TSGA10: variants seen among roughly 807,000 people sequenced by gnomAD.
TSGA10 encodes testis specific 10, also known as testis-specific gene 10 protein.
A neutral mutation model predicts 96.6 loss-of-function variants in TSGA10; 43 were observed. The observed-to-expected ratio is 0.44, with a 90% CI of 0.35 to 0.57. The LOEUF (loss-of-function observed/expected upper bound fraction) is 0.57. Among genes scored for constraint, TSGA10 ranks in the 20% least tolerant of loss-of-function variants. The probability of loss-of-function intolerance (pLI) is 0.01; values close to 1 mark genes in which losing one functional copy is unlikely to be tolerated. For synonymous variants in TSGA10, 229 were observed against 269.9 expected, an observed-to-expected ratio of 0.85 and a Z score of 1.48; for missense variants, 703 against 834.4, an observed-to-expected ratio of 0.84 and a Z score of 1.94.
Position 99,078,791 on chromosome 2 carries a change from A to C in TSGA10, c.750T>G (p.Ile250Met), listed in dbSNP as rs114700999. ...GAATGCTGATTTCTTCTCGCTGTGC[A>C]ATATTTTGCCTTGTAAAGTTATCTA... ...EKIDNFTRQN[I>M]AQREEISILG... Residue 250 changes from isoleucine (I) to methionine (M), a missense_variant, in exon 12 of 21, where the codon ATT (isoleucine) becomes ATG (methionine). Around this residue, in one of 3 missense-constraint regions of TSGA10, gnomAD observed 585 missense variants for 656.8 expected, o/e 0.89. Transcript: ENST00000393483. 1.9e-6 allele frequency: 3 copies of C among 1,612,912 alleles called. No individual in the cohort carries two copies. Among genetic ancestry groups the C allele is most frequent in the Admixed American group, 3.3e-5 (2 of 59,888 alleles).
chr2:98,998,224 A>G lies in TSGA10; in HGVS notation c.2073-3T>C. The G allele has an allele frequency of 1.3e-6, 2 of 1,595,352 alleles. No homozygotes were observed. The highest frequency in any genetic ancestry group is 1.2e-5 in the South Asian group (1 of 85,774). On this transcript the variant is annotated splice_polypyrimidine_tract_variant and splice_region_variant and intron_variant, in intron 20 of 20. Coordinates refer to ENST00000393483, the MANE Select transcript of TSGA10 (RefSeq NM_025244.4). ...AGAAATCTCTGTAGCAAAGATTCCT[A>G]TAAGAGAAAAAATCATGCTGATTAA...
Position 98,998,062 on chromosome 2 carries a change from T to C in TSGA10, c.*135A>G, listed in dbSNP as rs2077593572. On this transcript the variant is annotated 3_prime_UTR_variant, in exon 21 of 21. Coordinates refer to ENST00000393483, the MANE Select transcript of TSGA10 (RefSeq NM_025244.4). ...GCAACATGGCACATTAGAACAGAGA[T>C]TCAGAGACACAAAGTTAATAAATAC... 3.7e-6 allele frequency: 3 copies of C among 808,654 alleles called. No individual in the cohort carries two copies. Among genetic ancestry groups the C allele is most frequent in the Non-Finnish European group, 5.9e-6 (3 of 510,210 alleles). The allele number at this position is 808,654 out of a possible 1,614,324, so 50.1% of individuals were successfully genotyped here.
In TSGA10 at chr2:99,073,104, A is replaced by C. The variant is rs1460408129; in HGVS notation, c.883-31T>G. 3.6e-6 allele frequency: 5 copies of C among 1,398,596 alleles called. No individual in the cohort carries two copies. In the South Asian group the frequency reaches 6.4e-5, roughly 18 times the overall value. 86.6% of individuals were successfully genotyped at this position (1,398,596 alleles called of 1,614,324 possible). A position where few individuals can be genotyped will look rare whatever the true frequency, so the allele number is the denominator to read the frequency against. On this transcript the variant is annotated intron_variant, in intron 12 of 20. Coordinates refer to ENST00000393483, the MANE Select transcript of TSGA10 (RefSeq NM_025244.4). ...AAAATAATATAAGTATTAAATAAAA[A>C]AATCTTAAGCTGTTATTTCTGTTAA...
At chr2:99,081,862 T>C (rs1266977181) in intron 10 of TSGA10, among the ~76,000 whole-genome samples, 1 of 152,258 alleles carries the variant, frequency 6.6e-6, no homozygotes, top group Non-Finnish European at 1.5e-5. Context: ...ACCTTGTCAA[T>C]TGCTGCTAGG....
At position 99,035,156 on chromosome 2, in the gene TSGA10, G is replaced by T. The variant is rs989977907; in HGVS notation, c.1614+74C>A. 2.3e-5 allele frequency: 25 copies of T among 1,093,722 alleles called. No individual in the cohort carries two copies. The South Asian group carries it at 4.1e-4, about 18-fold the overall frequency. 67.8% of individuals were successfully genotyped at this position (1,093,722 alleles called of 1,614,324 possible). A position where few individuals can be genotyped will look rare whatever the true frequency, so the allele number is the denominator to read the frequency against. ...GATTCATGTAATATTACATAAAAAA[G>T]AACTTACTTTTCCAAAATTATACTA... On this transcript the variant is annotated intron_variant, in intron 17 of 20. Transcript: ENST00000393483.
chr2:99,068,748 T>TAACC, intron 15 of TSGA10, 140 bp downstream of exon 15: 1 of 403,358 alleles, frequency 2.5e-6, no homozygotes, highest in Non-Finnish European at 4.5e-6. Flanking sequence ...AATATGTAGT[T>TAACC]AACCCACCAT....
chr2:99,119,469 C>T (rs2092458554), intron 2 of TSGA10, among the ~76,000 whole-genome samples: 1 of 152,154 alleles, frequency 6.6e-6, no homozygotes, highest in Non-Finnish European at 1.5e-5. Context: ...CACCACCAGA[C>T]ACACTATAAA....
chr2:99,050,173 CTAACA>C, intron 16 of TSGA10, among the ~76,000 whole-genome samples: 1 of 152,058 alleles, frequency 6.6e-6, no homozygotes. Context: ...CGAGGGAAGG[CTAACA>C]TAACAAAAAT....
At chr2:99,036,113 G>A (rs760628349) in intron 16 of TSGA10, among the ~76,000 whole-genome samples, 2 of 151,984 alleles carry the variant, frequency 1.3e-5, no homozygotes, top group Non-Finnish European at 2.9e-5. Flanking sequence ...TAAGTGCACT[G>A]CCACCTACAG....
intron 20 of TSGA10, among the ~76,000 whole-genome samples, chr2:99,005,577 A>G (rs1340565361): frequency 6.6e-6 from 1 of 152,208 alleles, no homozygotes; most frequent in Non-Finnish European, 1.5e-5. Flanking sequence ...TAGGAATCCA[A>G]CTTACAAGGG....
chr2:99,033,784 G>A (rs889576135), intron 17 of TSGA10, among the ~76,000 whole-genome samples: 3 of 152,138 alleles, frequency 2.0e-5, no homozygotes, highest in African/African-American at 7.2e-5. Flanking sequence ...AGGCTGCAGT[G>A]AGCCAAGATC....
chr2:99,119,936 T>C (rs1045681180), intron 2 of TSGA10, among the ~76,000 whole-genome samples: 8 of 152,194 alleles, frequency 5.3e-5, no homozygotes, highest in African/African-American at 1.7e-4. Flanking sequence ...CTATGCCATG[T>C]TTCTCAGCAA....
chr2:99,058,000 G>C (rs765078405), intron 16 of TSGA10, among the ~76,000 whole-genome samples: 1 of 152,180 alleles, frequency 6.6e-6, no homozygotes, highest in Admixed American at 6.5e-5. Flanking sequence ...ATGGTGGGGG[G>C]AGGGGAGAAA....
intron 10 of TSGA10, among the ~76,000 whole-genome samples, chr2:99,088,477 C>T (rs2088852828): frequency 6.6e-6 from 1 of 151,978 alleles, no homozygotes; most frequent in Admixed American, 6.6e-5. Context: ...GGGACATATC[C>T]CCCCTCGATA....
intron 17 of TSGA10, among the ~76,000 whole-genome samples, chr2:99,033,045 A>T (rs1002508508): frequency 6.6e-6 from 1 of 152,208 alleles, no homozygotes; most frequent in Non-Finnish European, 1.5e-5. Context: ...GGAAAACTGA[A>T]TTGGTCATTT....
intron 5 of TSGA10, 186 bp from the exon 6 acceptor site, chr2:99,109,698 A>G: frequency 3.0e-6 from 1 of 333,406 alleles, no homozygotes. Context: ...ATTATATATC[A>G]GTAATTTTTA....
At chr2:99,001,502 T>C (rs2077902169) in intron 20 of TSGA10, among the ~76,000 whole-genome samples, 1 of 151,960 alleles carries the variant, frequency 6.6e-6, no homozygotes, top group Non-Finnish European at 1.5e-5. Flanking sequence ...AGACCGAAGG[T>C]AGATTAAAAC....
At chr2:99,018,699 G>A (rs986148370) in intron 18 of TSGA10, 59 bp from the exon 19 acceptor site, 2 of 1,426,242 alleles carry the variant, frequency 1.4e-6, no homozygotes, top group East Asian at 2.4e-5. Context: ...CTATGATTCT[G>A]GGGTACATGA....
chr2:99,123,843 A>T (rs1427270445), intron 2 of TSGA10, among the ~76,000 whole-genome samples: 1 of 152,212 alleles, frequency 6.6e-6, no homozygotes, highest in African/African-American at 2.4e-5. Context: ...GTTATATTCC[A>T]TTGTAAGCAC....
Sources: gnomAD v4.1 joint callset for allele counts (sites outside exome capture counted in the v4.1 genomes callset) on GRCh38, gnomAD v4.1.1 for gene constraint, gnomAD v4.1.1 regional missense constraint, MANE v1.5 for transcripts, NCBI Gene and HGNC (gene_info 2026-07-23, HGNC 2026-07-21) for gene names.